GBE1: variants seen among roughly 807,000 people sequenced by gnomAD.
The protein encoded by GBE1 is 1,4-alpha-glucan branching enzyme 1, also known as 1,4-alpha-glucan-branching enzyme.
A neutral mutation model predicts 88.8 loss-of-function variants in GBE1; 70 were observed. That is an observed-to-expected ratio of 0.79 (90% CI 0.65 to 0.96). The LOEUF (loss-of-function observed/expected upper bound fraction) is 0.96, where lower values mean the gene tolerates loss of function less well. GBE1 is among the 40% of genes least tolerant of loss of function. The pLI is 0.00. For synonymous variants in GBE1, 284 were observed against 300.1 expected (o/e 0.95, Z 0.56); for missense variants, 872 against 871.0 (o/e 1.00, Z -0.01).
At chr3:81,526,070 C>T (rs1169781681) in intron 14 of GBE1, among the ~76,000 whole-genome samples, 2 of 151,974 alleles carry the variant, frequency 1.3e-5, no homozygotes, top group Admixed American at 6.6e-5. Context: ...TTGCCTTCTG[C>T]TAGCTTTTGA....
chr3:81,672,632 C>T (rs751127300), intron 2 of GBE1, among the ~76,000 whole-genome samples: 1 of 151,770 alleles, frequency 6.6e-6, no homozygotes, highest in Non-Finnish European at 1.5e-5. Flanking sequence ...TATGGTGATT[C>T]CCTGTGGGTA....
At chr3:81,592,314 C>A (rs964049938) in intron 8 of GBE1, among the ~76,000 whole-genome samples, 1 of 152,156 alleles carries the variant, frequency 6.6e-6, no homozygotes, top group African/African-American at 2.4e-5. Flanking sequence ...CAGCCCCTGG[C>A]AACCATCATT....
rs191153083 is a variant in GBE1, at chr3:81,511,723, T to C, written c.1935-12496A>G. Among the ~76,000 whole-genome samples the C allele has an allele frequency of 8.1e-4, 123 of 152,118 alleles. 2 individuals carry two copies. The South Asian group carries it at 0.016, about 19-fold the overall frequency. ...GGCTGCAGAGAAAAGGGAACACTTATATACTGTTGGTGGGAAGTAAATTAG... is the reference window on the plus strand; with the variant it reads ...GGCTGCAGAGAAAAGGGAACACTTACATACTGTTGGTGGGAAGTAAATTAG... On this transcript the variant is annotated intron_variant, in intron 14 of 15. Transcript: ENST00000429644.
chr3:81,681,379 T>C (rs952771034), intron 2 of GBE1, among the ~76,000 whole-genome samples: 7 of 152,132 alleles, frequency 4.6e-5, no homozygotes, highest in African/African-American at 1.7e-4. Flanking sequence ...AACTGATTCA[T>C]CACTTCCTTG....
intron 7 of GBE1, among the ~76,000 whole-genome samples, chr3:81,620,804 T>C (rs2107012484): frequency 6.6e-6 from 1 of 152,178 alleles, no homozygotes; most frequent in East Asian, 1.9e-4. Context: ...CAGGCAGGAA[T>C]GAGGATGAGG....
At position 81,761,605 on chromosome 3, in the gene GBE1, G is replaced by C; in HGVS notation, c.-88C>G. 1 of 1,484,890 alleles carries C rather than the reference G, an allele frequency of 6.7e-7. No individual in the cohort carries two copies. Among genetic ancestry groups the C allele is most frequent in the South Asian group, 1.3e-5 (1 of 79,488 alleles). 92.0% of individuals were successfully genotyped at this position (1,484,890 alleles called of 1,614,324 possible). On this transcript the variant is annotated 5_prime_UTR_variant, in exon 1 of 16. Transcript: ENST00000429644. Reference sequence around the variant, plus strand: ...AGCTCTAGCTGGGACGCGGCGGCTAGGGCGGAGCCGGAGGGCGCCTAGGCG... The same window carrying C: ...AGCTCTAGCTGGGACGCGGCGGCTACGGCGGAGCCGGAGGGCGCCTAGGCG...
chr3:81,500,747 G>A (rs867658499), intron 14 of GBE1, among the ~76,000 whole-genome samples: 15 of 152,150 alleles, frequency 9.9e-5, no homozygotes, highest in African/African-American at 3.4e-4. Flanking sequence ...TATGCATTAG[G>A]CATTGTCTAA....
intron 11 of GBE1, among the ~76,000 whole-genome samples, chr3:81,579,853 C>G (rs1703697651): frequency 2.0e-5 from 3 of 152,122 alleles, no homozygotes; most frequent in Admixed American, 2.0e-4. Context: ...TCAAGTTTCT[C>G]TAAGGGTGGG....
At chr3:81,555,687 G>A (rs1559643751) in intron 12 of GBE1, among the ~76,000 whole-genome samples, 1 of 152,080 alleles carries the variant, frequency 6.6e-6, no homozygotes. Context: ...TTCCTGCTTC[G>A]AAGCCTTCTG....
In GBE1 at chr3:81,564,713, G is replaced by A. The variant is rs192734908; in HGVS notation, c.1618+13212C>T. On this transcript the variant is annotated intron_variant, in intron 12 of 15. Transcript: ENST00000429644. ...TCTTATGAAAGCTAACCTGGCAGGA[G>A]TTTTTCCAGTAGTGGGCATTTAAGT... is the stretch of plus-strand genomic sequence containing the variant. 2.3e-3 allele frequency among the ~76,000 whole-genome samples: 356 copies of A among 152,252 alleles called. 2 individuals are homozygous for A. The highest frequency in any genetic ancestry group is 8.2e-3 in the African/African-American group (341 of 41,546).
At chr3:81,750,561 A>ATGTG (rs57756683) in intron 1 of GBE1, among the ~76,000 whole-genome samples, 2 of 82,010 alleles carry the variant, frequency 2.4e-5, no homozygotes, top group Admixed American at 1.3e-4. Flanking sequence ...GTATATATAT[A>ATGTG]TGTATATATA....
intron 2 of GBE1, among the ~76,000 whole-genome samples, chr3:81,676,796 T>A (rs1049008506): frequency 1.3e-5 from 2 of 152,174 alleles, no homozygotes. Flanking sequence ...ATTCATCATA[T>A]CTGATAAGGC....
chr3:81,658,842 G>A (rs1048417885), intron 3 of GBE1, among the ~76,000 whole-genome samples: 1 of 152,140 alleles, frequency 6.6e-6, no homozygotes, highest in Non-Finnish European at 1.5e-5. Flanking sequence ...CATTGAAAAC[G>A]ATATCCCTGA....
chr3:81,706,142 T>C (rs1027488848), intron 1 of GBE1, among the ~76,000 whole-genome samples: 2 of 152,146 alleles, frequency 1.3e-5, no homozygotes, highest in African/African-American at 4.8e-5. Context: ...AAAGGGGCCA[T>C]GGACAAAAAG....
intron 1 of GBE1, among the ~76,000 whole-genome samples, chr3:81,746,048 C>T (rs1167437835): frequency 6.6e-6 from 1 of 152,100 alleles, no homozygotes; most frequent in African/African-American, 2.4e-5. Context: ...TTAACCAATT[C>T]ATTCTTACAA....
intron 12 of GBE1, among the ~76,000 whole-genome samples, chr3:81,543,021 A>T (rs1303752531): frequency 6.6e-6 from 1 of 152,194 alleles, no homozygotes; most frequent in East Asian, 1.9e-4. Flanking sequence ...TTTAACTTTT[A>T]TTTCATTTAT....
At chr3:81,543,053 T>C (rs1703161759) in intron 12 of GBE1, among the ~76,000 whole-genome samples, 1 of 152,082 alleles carries the variant, frequency 6.6e-6, no homozygotes, top group African/African-American at 2.4e-5. Context: ...ATAAATTCAC[T>C]ACTTTAAGAG....
chr3:81,727,038 T>C (rs1706122918), intron 1 of GBE1, among the ~76,000 whole-genome samples: 1 of 152,146 alleles, frequency 6.6e-6, no homozygotes, highest in Non-Finnish European at 1.5e-5. Flanking sequence ...TCCTGTTTCC[T>C]TTTGTTCTCT....
chr3:81,650,729 A>G (rs936260262), intron 3 of GBE1, among the ~76,000 whole-genome samples: 1 of 152,214 alleles, frequency 6.6e-6, no homozygotes, highest in African/African-American at 2.4e-5. Flanking sequence ...CAGTGGTGCG[A>G]TCGCAGCTCA....
Sources: allele counts gnomAD v4.1 joint callset (sites outside exome capture counted in the v4.1 genomes callset), GRCh38; gene constraint gnomAD v4.1.1; transcripts MANE v1.5; gene names NCBI Gene and HGNC (gene_info 2026-07-23, HGNC 2026-07-21).